Variants in CSF1R observed in about 807,000 individuals in gnomAD.
The protein encoded by CSF1R is macrophage colony-stimulating factor 1 receptor.
A neutral mutation model predicts 110.0 loss-of-function variants in CSF1R; 40 were observed. The ratio of observed to expected loss-of-function variants is 0.36; its 90% CI spans 0.28 to 0.47. CSF1R has a LOEUF of 0.47. Ranked by LOEUF, CSF1R falls within the 20% of genes least tolerant of loss-of-function variation. The pLI is 0.99. For missense variants in CSF1R, 1,052 were observed against 1,253.0 expected (o/e 0.84, Z 2.42); for synonymous variants, 523 against 503.4 (o/e 1.04, Z -0.52).
chr5:150,060,968 C>G lies in CSF1R; in HGVS notation c.1863G>C (p.Thr621=). The change falls in exon 13 of 21, where the codon ACG becomes ACC. Residue 621 remains threonine (T), a synonymous_variant. Coordinates refer to ENST00000675795, the MANE Select transcript of CSF1R (RefSeq NM_001288705.3). ...LKVAVKMLKS[T]AHADEKEALM... ...GGGCCTCCTTCTCATCAGCATGGGC[C>G]GTGGCTGGGAGGAAGAACCACAGTC... The G allele has an allele frequency of 6.3e-7, 1 of 1,595,854 alleles. No homozygotes were observed. Among genetic ancestry groups the G allele is most frequent in the Non-Finnish European group, 8.5e-7 (1 of 1,170,336 alleles).
intron 13 of CSF1R, 49 bp from the exon 14 acceptor site, chr5:150,059,911 C>T (rs1345428068): frequency 8.3e-6 from 13 of 1,569,988 alleles, no homozygotes; most frequent in Non-Finnish European, 1.1e-5. Context: ...GTGCTCCCCT[C>T]CATGAACAGG....
In CSF1R at chr5:150,068,202, C is replaced by G. The variant is rs115895865; in HGVS notation, c.1626+13G>C. 2 of 1,602,962 alleles carry G rather than the reference C, an allele frequency of 1.2e-6. No homozygotes were observed. The highest frequency in any genetic ancestry group is 8.5e-7 in the Non-Finnish European group (1 of 1,175,596). On this transcript the variant is annotated intron_variant, in intron 10 of 20. Coordinates refer to ENST00000675795, the MANE Select transcript of CSF1R (RefSeq NM_001288705.3). ...ACTCAGGCACCTGGCAGCCCCACTC[C>G]GCTCCGGCTCACCTGCTTATACTTG... is the stretch of plus-strand genomic sequence containing the variant.
intron 15 of CSF1R, 56 bp from the exon 16 acceptor site, chr5:150,057,440 A>C: frequency 6.2e-7 from 1 of 1,609,572 alleles, no homozygotes; most frequent in Non-Finnish European, 8.5e-7. Flanking sequence ...CCCTCACCCC[A>C]GCAGCCCCTT....
chr5:150,109,090 G>A (rs1359947749), intron 1 of CSF1R, among the ~76,000 whole-genome samples: 2 of 136,276 alleles, frequency 1.5e-5, no homozygotes, highest in African/African-American at 5.6e-5. Context: ...AATTCCAGGA[G>A]CCACATTCTG....
intron 1 of CSF1R, among the ~76,000 whole-genome samples, chr5:150,100,487 C>T (rs772764269): frequency 2.6e-5 from 4 of 151,668 alleles, no homozygotes; most frequent in East Asian, 1.9e-4. Flanking sequence ...TTAGTGGAGA[C>T]GGGCTTTCAC....
rs1000518857 is a variant in CSF1R at position 150,053,791 on chromosome 5, T to C, written c.*278A>G. 3 of 533,132 alleles carry C rather than the reference T, an allele frequency of 5.6e-6. No individual in the cohort carries two copies. Among genetic ancestry groups the C allele is most frequent in the Non-Finnish European group, 1.0e-5 (3 of 296,014 alleles). The allele number at this position is 533,132 out of a possible 1,614,324, so 33.0% of individuals were successfully genotyped here. On this transcript the variant is annotated 3_prime_UTR_variant, in exon 21 of 21. Transcript: ENST00000675795. The stretch of plus-strand genomic sequence containing the variant: ...GGATTAGGAAAGAAGGTTCTACTAG[T>C]TGGCATAGCAAACACGAGGCCAACA...
At chr5:150,105,418 G>A (rs1759527453) in intron 1 of CSF1R, among the ~76,000 whole-genome samples, 1 of 142,244 alleles carries the variant, frequency 7.0e-6, no homozygotes, top group African/African-American at 2.6e-5. Flanking sequence ...GGGTTACCAT[G>A]TTGGCGAGGC....
Position 150,070,046 on chromosome 5 carries a change from A to C in CSF1R, c.1337T>G (p.Val446Gly). 6.2e-7 allele frequency: 1 copy of C among 1,613,960 alleles called. No individual in the cohort carries two copies. Residue 446 changes from valine to glycine, a missense_variant, in exon 9 of 21, where the codon GTG (valine) becomes GGG (glycine). Around this residue, in one of 5 missense-constraint regions of CSF1R, gnomAD observed 693 missense variants for 735.4 expected, o/e 0.94. Coordinates refer to ENST00000675795, the MANE Select transcript of CSF1R (RefSeq NM_001288705.3). ...GTATGGGTCATCCCAGACCTGCAGC[A>C]CTTGGGCCTCATCACACCTGGCAAA... is the stretch of plus-strand genomic sequence containing the variant. ...GHTDRCDEAQ[V>G]LQVWDDPYPE...
intron 1 of CSF1R, among the ~76,000 whole-genome samples, chr5:150,082,165 C>G (rs1758580322): frequency 6.6e-6 from 1 of 152,250 alleles, no homozygotes; most frequent in Non-Finnish European, 1.5e-5. Flanking sequence ...CGCTGACCCA[C>G]TGGCTGACCC....
chr5:150,057,397 G>A lies in CSF1R; in HGVS notation c.2222-13C>T, dbSNP rs1757273107. The A allele has an allele frequency of 6.2e-7, 1 of 1,613,422 alleles. No homozygotes were observed. The highest frequency in any genetic ancestry group is 1.1e-5 in the South Asian group (1 of 91,048). On this transcript the variant is annotated splice_polypyrimidine_tract_variant and intron_variant, in intron 15 of 20. Transcript: ENST00000675795. ...TCCTTGTCCAGGTCTAGGGTGGGAA[G>A]AGGCGTCAGGGCAGCCCTGCCACAC...
At chr5:150,105,384 A>AT (rs35556562) in intron 1 of CSF1R, among the ~76,000 whole-genome samples, 1,505 of 83,902 alleles carry the variant, frequency 0.018, 13 homozygotes, top group Admixed American at 0.048. Flanking sequence ...ATATATATAT[A>AT]TTTTTTTTTT....
In CSF1R at chr5:150,086,365, C is replaced by G. The variant is rs770236615; in HGVS notation, c.49+14G>C. 29 of 1,599,842 alleles carry G rather than the reference C, an allele frequency of 1.8e-5. No individual in the cohort carries two copies. The highest frequency in any genetic ancestry group is 4.3e-6 in the Non-Finnish European group (5 of 1,172,892). ...CACCCCAACAAAGTCCCCCACCCCC[C>G]GTTCTGCTCTTACCATGCCAAGCTG... On this transcript the variant is annotated intron_variant, in intron 1 of 20. Transcript: ENST00000675795.
At chr5:150,099,873 A>C (rs1295637391) in intron 1 of CSF1R, among the ~76,000 whole-genome samples, 1 of 152,222 alleles carries the variant, frequency 6.6e-6, no homozygotes. Context: ...TATTGTGTGT[A>C]AATTAAATTT....
chr5:150,110,088 C>G (rs908401373), intron 1 of CSF1R, among the ~76,000 whole-genome samples: 1 of 152,222 alleles, frequency 6.6e-6, no homozygotes, highest in Admixed American at 6.5e-5. Flanking sequence ...CCCTGGTCAC[C>G]TGCTTTGACC....
intron 14 of CSF1R, among the ~76,000 whole-genome samples, chr5:150,059,330 C>T (rs1449904841): frequency 6.6e-6 from 1 of 152,212 alleles, no homozygotes; most frequent in Non-Finnish European, 1.5e-5. Context: ...AGGCATGAGC[C>T]ACTGCACCCG....
chr5:150,097,473 C>T lies in CSF1R; in HGVS notation c.-180-10866G>A, dbSNP rs185279898. On this transcript the variant is annotated intron_variant, in intron 1 of 21. Transcript: ENST00000286301. ...GAAAGAAAGTGAAAGAAAAAGAGTT[C>T]AAAAGAAGAAATATAATGGTCTCTG... 5.3e-5 allele frequency among the ~76,000 whole-genome samples: 8 copies of T among 151,222 alleles called. No homozygotes were observed. In the East Asian group the frequency reaches 1.6e-3, roughly 29 times the overall value.
chr5:150,065,836 G>A (rs763597010), intron 10 of CSF1R, among the ~76,000 whole-genome samples: 7 of 152,244 alleles, frequency 4.6e-5, no homozygotes, highest in Non-Finnish European at 7.3e-5. Context: ...TGGTCCCGTG[G>A]AGAGGGGATA....
chr5:150,105,515 C>T (rs891810700), intron 1 of CSF1R, among the ~76,000 whole-genome samples: 1 of 151,324 alleles, frequency 6.6e-6, no homozygotes, highest in African/African-American at 2.4e-5. Flanking sequence ...TACACCTGGC[C>T]TCTTTTTTTT....
rs767113303 is a variant in CSF1R at position 150,080,070 on chromosome 5, G to A, written c.574C>T (p.Arg192Trp). ...GGRKVMSISIRLKVQKVIPGP... is the reference protein window; with the variant it reads ...GGRKVMSISIWLKVQKVIPGP... The stretch of plus-strand genomic sequence containing the variant: ...CACGCACCTTTCTGCACTTTCAGCC[G>A]GATGCTGATGGACATCACCTTCCTG... Residue 192 changes from arginine (R) to tryptophan (W), a missense_variant, in exon 3 of 21, where the codon CGG becomes TGG. This residue lies in a region of CSF1R where 693 missense variants were observed against 735.4 expected (regional missense o/e 0.94). Coordinates refer to ENST00000675795, the MANE Select transcript of CSF1R (RefSeq NM_001288705.3). 10 of 1,613,690 alleles carry A rather than the reference G, an allele frequency of 6.2e-6. No individual in the cohort carries two copies. The highest frequency in any genetic ancestry group is 4.0e-5 in the African/African-American group (3 of 74,930).
Sources: allele counts gnomAD v4.1 joint callset (sites outside exome capture counted in the v4.1 genomes callset), GRCh38; gene constraint gnomAD v4.1.1; regional missense constraint gnomAD v4.1.1; transcripts MANE v1.5; gene names NCBI Gene and HGNC (gene_info 2026-07-23, HGNC 2026-07-21).